Variants in PALM2AKAP2 observed in about 807,000 individuals in gnomAD.
PALM2AKAP2 encodes PALM2-AKAP2 fusion protein.
In PALM2AKAP2, 37 loss-of-function variants were observed where a neutral mutation model predicts 71.5. The observed-to-expected ratio is 0.52, with a 90% CI of 0.40 to 0.68. The LOEUF (loss-of-function observed/expected upper bound fraction) is 0.68. PALM2AKAP2 is among the 30% of genes least tolerant of loss of function. The pLI is 0.00. For missense variants in PALM2AKAP2, 1,224 were observed against 1,191.8 expected (o/e 1.03, Z -0.40); for synonymous variants, 468 against 478.8 (o/e 0.98, Z 0.29).
At chr9:109,688,709 T>C (rs748942291) in intron 1 of PALM2AKAP2, among the ~76,000 whole-genome samples, 13 of 152,212 alleles carry the variant, frequency 8.5e-5, no homozygotes, top group Non-Finnish European at 1.9e-4. Context: ...AAGCTTGCAG[T>C]ATGAGTAGGG....
chr9:109,811,987 AGGGGTCACTGGCCCT>A (rs1055883651), intron 1 of PALM2AKAP2, among the ~76,000 whole-genome samples: 1 of 152,232 alleles, frequency 6.6e-6, no homozygotes, highest in African/African-American at 2.4e-5. Flanking sequence ...CATGTGAACC[AGGGGTCACTGGCCCT>A]GCCCCAAAGG....
intron 7 of PALM2AKAP2, among the ~76,000 whole-genome samples, chr9:110,021,365 T>C (rs1833070982): frequency 6.6e-6 from 1 of 152,116 alleles, no homozygotes; most frequent in African/African-American, 2.4e-5. Context: ...CCTGACACCT[T>C]GAATTGGAAC....
At chr9:109,836,091 T>A (rs1300914363) in intron 1 of PALM2AKAP2, among the ~76,000 whole-genome samples, 4 of 152,164 alleles carry the variant, frequency 2.6e-5, no homozygotes, top group Admixed American at 2.0e-4. Flanking sequence ...CTCAAGTGGG[T>A]CCCTGATCCC....
chr9:110,082,042 T>C (rs1834461146), intron 1 of PALM2AKAP2, among the ~76,000 whole-genome samples: 1 of 152,186 alleles, frequency 6.6e-6, no homozygotes, highest in East Asian at 1.9e-4. Flanking sequence ...CTTTGGTTCA[T>C]ACTTTTCTGA....
chr9:109,809,413 A>G (rs1028919720), intron 1 of PALM2AKAP2, among the ~76,000 whole-genome samples: 3 of 152,198 alleles, frequency 2.0e-5, no homozygotes, highest in Admixed American at 1.3e-4. Flanking sequence ...ACTGTCCACT[A>G]GATTTTGGAC....
chr9:109,930,426 A>G (rs1162779797), intron 5 of PALM2AKAP2, among the ~76,000 whole-genome samples: 11 of 152,066 alleles, frequency 7.2e-5, no homozygotes, highest in Admixed American at 7.2e-4. Context: ...GGGTTTTGCC[A>G]TGTTGGCCAG....
At chr9:109,776,339 C>G (rs140324722), upstream of PALM2AKAP2, among the ~76,000 whole-genome samples, 325 of 152,320 alleles carry the variant, frequency 2.1e-3, no homozygotes, top group African/African-American at 7.3e-3. Context: ...ATGTGCCTTC[C>G]TGTTTCACCT....
intron 1 of PALM2AKAP2, among the ~76,000 whole-genome samples, chr9:109,667,108 A>G (rs1587860100): frequency 6.6e-6 from 1 of 152,280 alleles, no homozygotes. Flanking sequence ...ACAACCTCCA[A>G]CCATGCTCGT....
intron 6 of PALM2AKAP2, among the ~76,000 whole-genome samples, chr9:109,990,825 A>G (rs1013847429): frequency 1.3e-5 from 2 of 152,274 alleles, no homozygotes; most frequent in Admixed American, 1.3e-4. Flanking sequence ...ACATGAGCCC[A>G]GAATCCTGTA....
intron 1 of PALM2AKAP2, among the ~76,000 whole-genome samples, chr9:110,061,281 C>G (rs892373951): frequency 1.3e-5 from 2 of 152,094 alleles, no homozygotes; most frequent in Admixed American, 6.6e-5. Flanking sequence ...GCATCCAAAC[C>G]AAGGACAGAG....
At chr9:109,953,575 T>G (rs1831684001) in intron 6 of PALM2AKAP2, among the ~76,000 whole-genome samples, 1 of 152,050 alleles carries the variant, frequency 6.6e-6, no homozygotes, top group South Asian at 2.1e-4. Context: ...CGGTGGCTCA[T>G]GCTTGTAATC....
intron 1 of PALM2AKAP2, among the ~76,000 whole-genome samples, chr9:109,721,032 C>A (rs967235911): frequency 2.0e-4 from 31 of 152,192 alleles, no homozygotes; most frequent in Admixed American, 1.3e-4. Context: ...TTTTACCTCT[C>A]AAGAATCCTG....
At position 110,136,361 on chromosome 9, in the gene PALM2AKAP2, C is replaced by T. The variant is rs765133765; in HGVS notation, c.391C>T (p.His131Tyr). ...GCATAATGGCCTCCTTACTGATCACCACGAATCCCTGGATAATGATGTTGC... is the reference window on the plus strand; with the variant it reads ...GCATAATGGCCTCCTTACTGATCACTACGAATCCCTGGATAATGATGTTGC... The change falls in exon 2 of 4, where the codon CAC becomes TAC. Residue 131 changes from histidine to tyrosine, a missense_variant. His to Tyr is a moderately conservative substitution (Grantham distance 83). Transcript: ENST00000374525. 4 of 1,614,070 alleles carry T rather than the reference C, an allele frequency of 2.5e-6. No individual in the cohort carries two copies. In the African/African-American group the frequency reaches 4.0e-5, roughly 16 times the overall value.
chr9:110,167,421 G>A (rs1024760097), intron 3 of PALM2AKAP2, among the ~76,000 whole-genome samples: 3 of 152,204 alleles, frequency 2.0e-5, no homozygotes, highest in Non-Finnish European at 4.4e-5. Context: ...GCATGGTCAT[G>A]AAATAGAACC....
intron 1 of PALM2AKAP2, among the ~76,000 whole-genome samples, chr9:109,712,590 G>T (rs1408721337): frequency 6.6e-6 from 1 of 152,222 alleles, no homozygotes; most frequent in Non-Finnish European, 1.5e-5. Context: ...TTTGCAGAAA[G>T]ATTAAGGTGA....
chr9:109,764,792 A>T (rs1352588814), intron 1 of PALM2AKAP2, among the ~76,000 whole-genome samples: 1 of 147,530 alleles, frequency 6.8e-6, no homozygotes, highest in Non-Finnish European at 1.5e-5. Context: ...GGGTAGATGA[A>T]TGAACGGATA....
intron 1 of PALM2AKAP2, among the ~76,000 whole-genome samples, chr9:109,856,682 A>T (rs1216929147): frequency 6.6e-6 from 1 of 152,190 alleles, no homozygotes; most frequent in Non-Finnish European, 1.5e-5. Context: ...CCATTTATCT[A>T]GGCAGGGAGA....
At chr9:110,032,573 C>T (rs911944062) in intron 7 of PALM2AKAP2, among the ~76,000 whole-genome samples, 1 of 151,648 alleles carries the variant, frequency 6.6e-6, no homozygotes, top group Non-Finnish European at 1.5e-5. Context: ...TGCCTGTAGT[C>T]CCAGCCACTC....
At chr9:109,950,232 G>A (rs796151296) in intron 6 of PALM2AKAP2, among the ~76,000 whole-genome samples, 1 of 151,974 alleles carries the variant, frequency 6.6e-6, no homozygotes, top group African/African-American at 2.4e-5. Context: ...GGTGGAGGCT[G>A]CAGGGGGCTG....
Sources: allele counts gnomAD v4.1 joint callset (sites outside exome capture counted in the v4.1 genomes callset), GRCh38; gene constraint gnomAD v4.1.1; transcripts MANE v1.5; gene names NCBI Gene and HGNC (gene_info 2026-07-23, HGNC 2026-07-21).